VAT1L: variants seen among roughly 807,000 people sequenced by gnomAD.
VAT1L encodes the protein vesicle amine transport 1 like, also known as putative NADPH-dependent quinone oxidoreductase VAT1L.
A neutral mutation model predicts 44.1 loss-of-function variants in VAT1L; 34 were observed. That is an observed-to-expected ratio of 0.77 (90% CI 0.59 to 1.03). The LOEUF is 1.03. Among genes scored for constraint, VAT1L ranks in the 50% least tolerant of loss-of-function variants. The pLI is 0.00. For missense variants in VAT1L, 615 were observed against 538.8 expected (o/e 1.14, Z -1.40); for synonymous variants, 253 against 202.2 (o/e 1.25, Z -2.13).
At chr16:77,905,959 C>T (rs958144734) in intron 7 of VAT1L, among the ~76,000 whole-genome samples, 6 of 152,026 alleles carry the variant, frequency 3.9e-5, no homozygotes, top group Admixed American at 2.0e-4. Context: ...TTTTAGGTTT[C>T]TTTACTCAAA....
At chr16:77,906,231 G>C (rs1475150976) in intron 7 of VAT1L, among the ~76,000 whole-genome samples, 2 of 152,178 alleles carry the variant, frequency 1.3e-5, no homozygotes, top group East Asian at 1.9e-4. Context: ...TGGAGGGAGA[G>C]AGATTTGATG....
chr16:77,876,417 A>C lies in VAT1L; in HGVS notation c.770A>C (p.Asp257Ala). The change falls in exon 5 of 9, where the codon GAC (aspartate) becomes GCC (alanine). Residue 257 changes from aspartate to alanine, a missense_variant. Asp to Ala is a moderately radical substitution (Grantham distance 126, BLOSUM62 -2). Transcript: ENST00000302536. ...ATCGTTTTGGATTGCCTCTGTGGGG[A>C]CAACACTGGAAAAGGTCTCAGTCTT... ...VDIVLDCLCG[D>A]NTGKGLSLLK... is the part of the protein sequence containing the mutation. 1.2e-6 allele frequency: 2 copies of C among 1,614,182 alleles called. No homozygotes were observed. The highest frequency in any genetic ancestry group is 1.7e-6 in the Non-Finnish European group (2 of 1,180,024).
chr16:77,796,046 G>A (rs369716562), intron 1 of VAT1L, among the ~76,000 whole-genome samples: 15 of 152,062 alleles, frequency 9.9e-5, no homozygotes, highest in South Asian at 8.3e-4. Context: ...GGCTGGTCTC[G>A]AATTCCTGAC....
At chr16:77,791,340 T>A (rs2015831834) in intron 1 of VAT1L, among the ~76,000 whole-genome samples, 1 of 152,198 alleles carries the variant, frequency 6.6e-6, no homozygotes, top group African/African-American at 2.4e-5. Flanking sequence ...TAAAGCATAG[T>A]CCATTTGAAC....
At chr16:77,850,943 G>T (rs1229418157) in intron 3 of VAT1L, among the ~76,000 whole-genome samples, 3 of 152,156 alleles carry the variant, frequency 2.0e-5, no homozygotes, top group Non-Finnish European at 4.4e-5. Context: ...CAGTCTGTGG[G>T]CTATGGGTTG....
intron 8 of VAT1L, among the ~76,000 whole-genome samples, chr16:77,975,929 A>G (rs2018335402): frequency 1.3e-5 from 2 of 152,318 alleles, no homozygotes; most frequent in South Asian, 4.1e-4. Context: ...ACATCACCTC[A>G]GGGTCTCCCT....
chr16:77,822,025 C>T (rs1314970000), intron 2 of VAT1L, among the ~76,000 whole-genome samples: 7 of 152,328 alleles, frequency 4.6e-5, no homozygotes, highest in Middle Eastern at 3.4e-3. Flanking sequence ...GAGACACAGG[C>T]GTCAATACTG....
At chr16:77,920,628 G>C (rs4888696) in intron 7 of VAT1L, among the ~76,000 whole-genome samples, 1 of 152,000 alleles carries the variant, frequency 6.6e-6, no homozygotes, top group African/African-American at 2.4e-5. Context: ...GTCCACAGAC[G>C]TTTGCTTAAG....
chr16:77,901,681 C>T (rs1431111996), intron 7 of VAT1L, among the ~76,000 whole-genome samples: 5 of 152,130 alleles, frequency 3.3e-5, no homozygotes, highest in African/African-American at 9.7e-5. Context: ...CCATGGCAGA[C>T]ATCACTAATC....
At chr16:77,862,684 C>CAG in intron 3 of VAT1L, 64 bp from the exon 4 acceptor site, 3 of 1,518,064 alleles carry the variant, frequency 2.0e-6, no homozygotes, top group Non-Finnish European at 2.7e-6. Context: ...GCTCTACACC[C>CAG]AGCAAGACTG....
chr16:77,976,951 C>G (rs1482363008), intron 8 of VAT1L, among the ~76,000 whole-genome samples: 1 of 152,172 alleles, frequency 6.6e-6, no homozygotes, highest in Admixed American at 6.5e-5. Flanking sequence ...GTTGTGTCTG[C>G]TCTTCTTAAG....
At chr16:77,954,594 C>T (rs1270851432) in intron 7 of VAT1L, among the ~76,000 whole-genome samples, 1 of 152,114 alleles carries the variant, frequency 6.6e-6, no homozygotes, top group Non-Finnish European at 1.5e-5. Flanking sequence ...CACTGTAGTC[C>T]AGCCTGGGCG....
intron 7 of VAT1L, among the ~76,000 whole-genome samples, chr16:77,951,422 T>C (rs2045934093): frequency 6.6e-6 from 1 of 152,108 alleles, no homozygotes; most frequent in Non-Finnish European, 1.5e-5. Flanking sequence ...GGCGGGAGCC[T>C]GTAATCCCAG....
At position 77,806,641 on chromosome 16, in the gene VAT1L, G is replaced by C. The variant is rs77319340; in HGVS notation, c.234-10280G>C. ...TACAGGCGTGAGCCACCGCGCCCAGGCTGATCTCTTTATTTTTCTAATCTT... is the reference window on the plus strand; with the variant it reads ...TACAGGCGTGAGCCACCGCGCCCAGCCTGATCTCTTTATTTTTCTAATCTT... On this transcript the variant is annotated intron_variant, in intron 1 of 8. Transcript: ENST00000302536. Among the ~76,000 whole-genome samples, 1,263 of 151,368 alleles carry C rather than the reference G, an allele frequency of 8.3e-3. 20 individuals are homozygous for C. The highest frequency in any genetic ancestry group is 0.029 in the African/African-American group (1,220 of 41,446).
At chr16:77,891,079 G>T (rs1392932069) in intron 7 of VAT1L, among the ~76,000 whole-genome samples, 1 of 152,140 alleles carries the variant, frequency 6.6e-6, no homozygotes, top group Non-Finnish European at 1.5e-5. Flanking sequence ...TCTCGGCCGG[G>T]CGTGGTGGCT....
intron 3 of VAT1L, among the ~76,000 whole-genome samples, chr16:77,846,989 A>G (rs546696533): frequency 2.0e-5 from 3 of 152,222 alleles, no homozygotes; most frequent in African/African-American, 7.2e-5. Flanking sequence ...AGTTTTCTGT[A>G]TTTTCCAGAT....
At chr16:77,830,992 T>A (rs895127728) in intron 3 of VAT1L, among the ~76,000 whole-genome samples, 1 of 152,200 alleles carries the variant, frequency 6.6e-6, no homozygotes, top group African/African-American at 2.4e-5. Flanking sequence ...CCAAACCTCT[T>A]ATTCTTTATG....
At chr16:77,929,755 T>C (rs1440567457) in intron 7 of VAT1L, among the ~76,000 whole-genome samples, 1 of 152,182 alleles carries the variant, frequency 6.6e-6, no homozygotes, top group African/African-American at 2.4e-5. Flanking sequence ...CATTTTATAT[T>C]TGATGAAACA....
chr16:77,920,989 T>C (rs559714851), intron 7 of VAT1L, among the ~76,000 whole-genome samples: 2 of 152,238 alleles, frequency 1.3e-5, no homozygotes, highest in South Asian at 2.1e-4. Flanking sequence ...CATACATACA[T>C]ACATGTAGAT....
Sources: allele counts gnomAD v4.1 joint callset (sites outside exome capture counted in the v4.1 genomes callset), GRCh38; gene constraint gnomAD v4.1.1; transcripts MANE v1.5; gene names NCBI Gene and HGNC (gene_info 2026-07-23, HGNC 2026-07-21).